Variants in CNTN6 observed in about 807,000 individuals in gnomAD.
CNTN6 encodes the protein contactin 6.
A neutral mutation model predicts 122.8 loss-of-function variants in CNTN6; 137 were observed. The ratio of observed to expected loss-of-function variants is 1.12; its 90% CI spans 0.97 to 1.29. The LOEUF is 1.29. CNTN6 is among the 50% of genes most tolerant of loss of function. CNTN6 has a pLI of 0.00. For missense variants in CNTN6, 1,634 were observed against 1,223.4 expected (o/e 1.34, Z -5.01); for synonymous variants, 570 against 426.0 (o/e 1.34, Z -4.16).
At chr3:1,383,722 A>G (rs1692305096) in intron 19 of CNTN6, among the ~76,000 whole-genome samples, 1 of 152,250 alleles carries the variant, frequency 6.6e-6, no homozygotes, top group Non-Finnish European at 1.5e-5. Flanking sequence ...GCTTCTGCAG[A>G]GCAGGGCTAC....
At chr3:1,283,191 G>A (rs994579001) in intron 5 of CNTN6, among the ~76,000 whole-genome samples, 2 of 152,162 alleles carry the variant, frequency 1.3e-5, no homozygotes, top group Admixed American at 6.5e-5. Flanking sequence ...CTGGCCTCAT[G>A]TGATCCGCCT....
At chr3:1,134,800 T>G (rs1178221528) in intron 1 of CNTN6, among the ~76,000 whole-genome samples, 1 of 152,158 alleles carries the variant, frequency 6.6e-6, no homozygotes. Flanking sequence ...AGCAGGGTAC[T>G]ATTTATATAA....
chr3:1,327,728 C>A, intron 10 of CNTN6, 142 bp downstream of exon 10: 2 of 907,394 alleles, frequency 2.2e-6, no homozygotes, highest in Non-Finnish European at 3.2e-6. Flanking sequence ...TAACTTTTTA[C>A]AAAATTCAAG....
chr3:1,381,325 TTTG>T (rs148858431), intron 17 of CNTN6, among the ~76,000 whole-genome samples: 16,475 of 152,208 alleles, frequency 0.11, 957 homozygotes, highest in Middle Eastern at 0.17. Context: ...GAGGAAATAC[TTTG>T]TTGTTTCCCC....
chr3:1,161,308 TAGC>T (rs59810013), intron 2 of CNTN6, among the ~76,000 whole-genome samples: 25,678 of 149,602 alleles, frequency 0.17, 2,631 homozygotes, highest in African/African-American at 0.27. Flanking sequence ...GGAATAAAGT[TAGC>T]AGCAGATTGG....
Position 1,402,125 on chromosome 3 carries a change from G to GC in CNTN6, c.2818-191dup, listed in dbSNP as rs764633521. Among the ~76,000 whole-genome samples, 7 of 140,072 alleles carry GC rather than the reference G, an allele frequency of 5.0e-5. No individual in the cohort carries two copies. The East Asian group carries it at 1.4e-3, about 28-fold the overall frequency. 91.9% of individuals were successfully genotyped at this position (140,072 alleles called of 152,430 possible). A position where few individuals can be genotyped will look rare whatever the true frequency, so the allele number is the denominator to read the frequency against. ...ATCTACTCTCCTTCCAGAGGCATTG[G>GC]CCAAAAAAAAAAACACCTCTTTTTC... On this transcript the variant is annotated intron_variant, in intron 21 of 22. Transcript: ENST00000446702.
In CNTN6 at chr3:1,385,691, C is replaced by A; in HGVS notation, c.2598C>A (p.Ile866=). 6.2e-7 allele frequency: 1 copy of A among 1,614,026 alleles called. No individual in the cohort carries two copies. The change falls in exon 20 of 23, where the codon ATC becomes ATA. Residue 866 remains isoleucine (I), a synonymous_variant. Coordinates refer to ENST00000446702, the MANE Select transcript of CNTN6 (RefSeq NM_001289080.2). The part of the protein sequence containing the change: ...RVSGNVTTKN[I]TGLKANTIYF... ...GTGGAAATGTCACAACCAAAAACAT[C>A]ACGGGGCTGAAAGCTAATACCATCT...
intron 1 of CNTN6, among the ~76,000 whole-genome samples, chr3:1,132,357 C>T (rs184035760): frequency 9.9e-5 from 15 of 152,100 alleles, no homozygotes; most frequent in Middle Eastern, 3.4e-3. Flanking sequence ...AATATTTTTT[C>T]TTTCTAAAGA....
intron 4 of CNTN6, among the ~76,000 whole-genome samples, chr3:1,271,954 C>A (rs2095034284): frequency 1.3e-5 from 2 of 152,042 alleles, no homozygotes; most frequent in African/African-American, 4.8e-5. Context: ...TGCCATAATC[C>A]CCACATGTCA....
chr3:1,305,644 A>G (rs1394189628), intron 7 of CNTN6, among the ~76,000 whole-genome samples: 1 of 151,982 alleles, frequency 6.6e-6, no homozygotes, highest in African/African-American at 2.4e-5. Context: ...TACTGCTTTT[A>G]TAAACAACCA....
Position 1,325,954 on chromosome 3 carries a change from A to G in CNTN6, c.1083+3A>G, listed in dbSNP as rs759184930. The G allele has an allele frequency of 6.2e-7, 1 of 1,607,166 alleles. No homozygotes were observed. Among genetic ancestry groups the G allele is most frequent in the Non-Finnish European group, 8.5e-7 (1 of 1,177,164 alleles). On this transcript the variant is annotated splice_donor_region_variant and intron_variant, in intron 9 of 22. Transcript: ENST00000446702. Reference sequence around the variant, plus strand: ...ATGGTGAACGACTCAACCCAGAGGTAAGCAACTATGTTGATATTAAAAGTT... The same window carrying G: ...ATGGTGAACGACTCAACCCAGAGGTGAGCAACTATGTTGATATTAAAAGTT...
intron 20 of CNTN6, among the ~76,000 whole-genome samples, chr3:1,388,303 C>T (rs1041911515): frequency 1.4e-5 from 2 of 147,518 alleles, no homozygotes; most frequent in Non-Finnish European, 3.0e-5. Flanking sequence ...CAGGGGCACA[C>T]TGACACCTCA....
chr3:1,184,464 G>A (rs116816448), intron 2 of CNTN6, among the ~76,000 whole-genome samples: 1 of 152,110 alleles, frequency 6.6e-6, no homozygotes, highest in Non-Finnish European at 1.5e-5. Context: ...ATGTTTCATT[G>A]AGAAGACTGT....
intron 2 of CNTN6, among the ~76,000 whole-genome samples, chr3:1,149,378 A>G (rs1026379961): frequency 6.6e-6 from 1 of 151,676 alleles, no homozygotes; most frequent in African/African-American, 2.4e-5. Flanking sequence ...ACAAAGCAGT[A>G]ATACATTGAC....
chr3:1,358,971 GA>G (rs1313551104), intron 12 of CNTN6, among the ~76,000 whole-genome samples: 1 of 151,858 alleles, frequency 6.6e-6, no homozygotes, highest in East Asian at 1.9e-4. Context: ...GAGATGGAAG[GA>G]TCACTTGAGC....
chr3:1,354,761 G>T (rs17038133), intron 12 of CNTN6, among the ~76,000 whole-genome samples: 7,569 of 151,278 alleles, frequency 0.05, 678 homozygotes, highest in African/African-American at 0.17. Context: ...CTCTAAAATC[G>T]GACAGTTTTC....
chr3:1,262,979 A>C (rs1041243576), intron 4 of CNTN6, among the ~76,000 whole-genome samples: 6 of 152,108 alleles, frequency 3.9e-5, no homozygotes, highest in African/African-American at 1.4e-4. Context: ...GTTTAAATCA[A>C]CTCCAAGTCT....
Position 1,373,731 on chromosome 3 carries a change from A to T in CNTN6, c.1914A>T (p.Pro638=). Reference sequence around the variant, plus strand: ...TATTTACTATTCAGACTCGGACACCATTTTCTGTGGGTTGGCAGGCTGTTG... The same window carrying T: ...TATTTACTATTCAGACTCGGACACCTTTTTCTGTGGGTTGGCAGGCTGTTG... ...IQIFTIQTRT[P]FSVGWQAVAT... Residue 638 remains proline, a synonymous_variant, in exon 15 of 23, where the codon CCA becomes CCT. Coordinates refer to ENST00000446702, the MANE Select transcript of CNTN6 (RefSeq NM_001289080.2). 1 of 1,609,764 alleles carries T rather than the reference A, an allele frequency of 6.2e-7. No individual in the cohort carries two copies. Among genetic ancestry groups the T allele is most frequent in the Non-Finnish European group, 8.5e-7 (1 of 1,177,792 alleles).
At chr3:1,329,469 A>G (rs118013543) in intron 10 of CNTN6, among the ~76,000 whole-genome samples, 1 of 151,914 alleles carries the variant, frequency 6.6e-6, no homozygotes, top group East Asian at 2.0e-4. Flanking sequence ...GACCACCAAC[A>G]AAACAAAAAT....
Sources: gnomAD v4.1 joint callset for allele counts (sites outside exome capture counted in the v4.1 genomes callset) on GRCh38, gnomAD v4.1.1 for gene constraint, MANE v1.5 for transcripts, NCBI Gene and HGNC (gene_info 2026-07-23, HGNC 2026-07-21) for gene names.